ZC3H12B: variants seen among roughly 807,000 people sequenced by gnomAD.
The protein encoded by ZC3H12B is probable ribonuclease ZC3H12B.
In ZC3H12B, 7 loss-of-function variants were observed where a neutral mutation model predicts 43.9. That is an observed-to-expected ratio of 0.16 (90% CI 0.09 to 0.30). The LOEUF (loss-of-function observed/expected upper bound fraction) is 0.30. ZC3H12B is among the 10% of genes least tolerant of loss of function. ZC3H12B has a pLI of 1.00. For synonymous variants in ZC3H12B, 222 were observed against 241.7 expected (o/e 0.92, Z 0.76); for missense variants, 475 against 670.2 (o/e 0.71, Z 3.22).
intron 3 of ZC3H12B, among the ~76,000 whole-genome samples, chrX:65,449,126 G>A (rs2067433616): frequency 1.8e-5 from 2 of 110,119 alleles, no homozygotes; most frequent in Non-Finnish European, 3.8e-5. Flanking sequence ...CACATGGTGG[G>A]GAACAACACA....
chrX:65,463,756 G>A (rs1404691876), intron 3 of ZC3H12B, among the ~76,000 whole-genome samples: 1 of 110,749 alleles, frequency 9.0e-6, no homozygotes, highest in Admixed American at 9.6e-5. Context: ...AAAATATGCT[G>A]GTTTCTTATC....
chrX:65,159,255 G>T, the ZC3H12B span, among the ~76,000 whole-genome samples: 5 of 111,804 alleles, frequency 4.5e-5, no homozygotes, highest in Admixed American at 4.8e-4. Flanking sequence ...TGGCGATGCG[G>T]GCTCTTCTTT....
At chrX:65,094,355 A>G in the ZC3H12B span, among the ~76,000 whole-genome samples, 1 of 109,893 alleles carries the variant, frequency 9.1e-6, no homozygotes, top group Non-Finnish European at 1.9e-5. Context: ...ATAATGAAAA[A>G]TGAAACAAGT....
Position 65,379,499 on chromosome X carries a change from G to T in ZC3H12B, n.295+10501G>T, listed in dbSNP as rs1483570975. ...GACCAAAAGTAGATAAAACCACAAA[G>T]ATAGGGAAAAAACAGAGCAGAAAAA... On this transcript the variant is annotated intron_variant and non_coding_transcript_variant, in intron 2 of 5. Coordinates refer to the ZC3H12B transcript ENST00000617377. 2.7e-5 allele frequency among the ~76,000 whole-genome samples: 3 copies of T among 111,943 alleles called. No individual in the cohort carries two copies. The East Asian group carries it at 8.3e-4, about 31-fold the overall frequency.
chrX:65,378,893 T>A (rs1309039895), intron 2 of ZC3H12B, among the ~76,000 whole-genome samples: 3 of 112,538 alleles, frequency 2.7e-5, no homozygotes, highest in Non-Finnish European at 1.9e-5. Flanking sequence ...TACTGCGCTT[T>A]TCCGATGGGC....
At chrX:65,085,626 G>C in the ZC3H12B span, among the ~76,000 whole-genome samples, 1 of 109,889 alleles carries the variant, frequency 9.1e-6, no homozygotes, top group Non-Finnish European at 1.9e-5. Flanking sequence ...TAAAAAATTA[G>C]CCAGGCCTGG....
At chrX:65,211,377 C>A in the ZC3H12B span, among the ~76,000 whole-genome samples, 16 of 108,678 alleles carry the variant, frequency 1.5e-4, no homozygotes, top group African/African-American at 4.6e-4. Flanking sequence ...ACATAAAAAA[C>A]CAAAGAGTTC....
intron 3 of ZC3H12B, among the ~76,000 whole-genome samples, chrX:65,467,382 T>G (rs1369287994): frequency 9.0e-6 from 1 of 111,585 alleles, no homozygotes; most frequent in East Asian, 2.8e-4. Flanking sequence ...TTCTATATCT[T>G]TTCAATTGTG....
At chrX:65,214,113 G>A in the ZC3H12B span, among the ~76,000 whole-genome samples, 112 of 111,414 alleles carry the variant, frequency 1.0e-3, 1 homozygote, top group African/African-American at 3.1e-3. Context: ...TCAGTCTTCA[G>A]TGAGTTGTAA....
chrX:65,413,326 TG>T (rs2066925694), intron 3 of ZC3H12B, among the ~76,000 whole-genome samples: 1 of 111,959 alleles, frequency 8.9e-6, no homozygotes, highest in Non-Finnish European at 1.9e-5. Flanking sequence ...ATTTTTTTGT[TG>T]TTGCTTTTCT....
chrX:65,075,880 G>C, the ZC3H12B span, among the ~76,000 whole-genome samples: 1 of 111,752 alleles, frequency 8.9e-6, no homozygotes, highest in African/African-American at 3.3e-5. Context: ...TGCTGATGAT[G>C]CTATGCTAAG....
chrX:65,092,148 T>C, the ZC3H12B span, among the ~76,000 whole-genome samples: 1 of 112,058 alleles, frequency 8.9e-6, no homozygotes, highest in Non-Finnish European at 1.9e-5. Context: ...CATCATGATT[T>C]TAAGTTTCTT....
At chrX:65,061,270 A>T in the ZC3H12B span, among the ~76,000 whole-genome samples, 1 of 111,486 alleles carries the variant, frequency 9.0e-6, no homozygotes. Flanking sequence ...TCTAGGTTTT[A>T]AACTCCACAT....
the ZC3H12B span, among the ~76,000 whole-genome samples, chrX:65,195,960 G>T: frequency 8.9e-6 from 1 of 111,953 alleles, no homozygotes; most frequent in African/African-American, 3.2e-5. Flanking sequence ...ATAAATGCAA[G>T]CCTCACTTTT....
At chrX:65,159,269 T>C in the ZC3H12B span, among the ~76,000 whole-genome samples, 6 of 111,811 alleles carry the variant, frequency 5.4e-5, no homozygotes, top group African/African-American at 2.0e-4. Context: ...CTTCTTTGGT[T>C]CCATATGAAC....
At chrX:65,376,055 T>C (rs1048498742) in intron 2 of ZC3H12B, among the ~76,000 whole-genome samples, 4 of 111,757 alleles carry the variant, frequency 3.6e-5, no homozygotes, top group African/African-American at 1.3e-4. Context: ...TGGGCCAAAA[T>C]GGAGCCCACT....
the ZC3H12B span, among the ~76,000 whole-genome samples, chrX:65,293,742 T>C: frequency 9.1e-6 from 1 of 110,322 alleles, no homozygotes; most frequent in Non-Finnish European, 1.9e-5. Context: ...ATCAAACAAG[T>C]AGAAGAAAGA....
intron 3 of ZC3H12B, among the ~76,000 whole-genome samples, chrX:65,447,039 G>C (rs1361931581): frequency 9.0e-6 from 1 of 111,530 alleles, no homozygotes; most frequent in East Asian, 2.8e-4. Context: ...TAATTTAGAT[G>C]TCTATTTGGT....
chrX:65,311,966 G>T, the ZC3H12B span, among the ~76,000 whole-genome samples: 1 of 111,028 alleles, frequency 9.0e-6, no homozygotes, highest in Non-Finnish European at 1.9e-5. Flanking sequence ...GACACAGGGT[G>T]GGGAACATCA....
Sources: gnomAD v4.1 joint callset for allele counts (sites outside exome capture counted in the v4.1 genomes callset) on GRCh38, gnomAD v4.1.1 for gene constraint, MANE v1.5 for transcripts, NCBI Gene and HGNC (gene_info 2026-07-23, HGNC 2026-07-21) for gene names.